Variants in SORCS1 observed in about 807,000 individuals in gnomAD.
The protein encoded by SORCS1 is sortilin related VPS10 domain containing receptor 1.
A neutral mutation model predicts 146.1 loss-of-function variants in SORCS1; 60 were observed. That is an observed-to-expected ratio of 0.41 (90% CI 0.33 to 0.51). The LOEUF is 0.51. Among genes scored for constraint, SORCS1 ranks in the 20% least tolerant of loss-of-function variants. The probability of loss-of-function intolerance (pLI) is 0.21; values close to 1 mark genes in which losing one functional copy is unlikely to be tolerated. For synonymous variants in SORCS1, 637 were observed against 584.0 expected, an observed-to-expected ratio of 1.09 and a Z score of -1.31; for missense variants, 1,352 against 1,487.6, an observed-to-expected ratio of 0.91 and a Z score of 1.50.
chr10:106,700,601 C>A (rs944777598), intron 8 of SORCS1, among the ~76,000 whole-genome samples: 3 of 152,196 alleles, frequency 2.0e-5, no homozygotes, highest in Non-Finnish European at 4.4e-5. Context: ...TTCCTGTTAA[C>A]AATTCCAGTG....
chr10:106,949,402 C>G (rs1246228682), intron 2 of SORCS1, among the ~76,000 whole-genome samples: 1 of 152,160 alleles, frequency 6.6e-6, no homozygotes, highest in Admixed American at 6.5e-5. Flanking sequence ...GGCGTTGGGA[C>G]TCACTCACAG....
intron 24 of SORCS1, 62 bp from the exon 25 acceptor site, chr10:106,579,536 G>A: frequency 1.3e-6 from 2 of 1,539,164 alleles, no homozygotes; most frequent in East Asian, 2.3e-5. Context: ...GACTCTATGA[G>A]AGGCTCAAAT....
At chr10:106,739,734 G>A (rs1269207298) in intron 5 of SORCS1, among the ~76,000 whole-genome samples, 1 of 151,864 alleles carries the variant, frequency 6.6e-6, no homozygotes, top group Non-Finnish European at 1.5e-5. Flanking sequence ...GGCAGATCAC[G>A]AGGTCAGGAG....
intron 2 of SORCS1, among the ~76,000 whole-genome samples, chr10:106,852,966 T>C (rs1420749771): frequency 1.3e-5 from 2 of 152,166 alleles, no homozygotes; most frequent in African/African-American, 2.4e-5. Context: ...TTTTTGATAT[T>C]GGAATAATAC....
intron 1 of SORCS1, among the ~76,000 whole-genome samples, chr10:107,065,447 C>CTTTCTTTCTTTCTTTCTTTCTTTCT (rs1554937440): frequency 2.4e-5 from 3 of 122,762 alleles, no homozygotes; most frequent in Non-Finnish European, 5.4e-5. Flanking sequence ...TTCTTTCTTT[C>CTTTCTTTCTTTCTTTCTTTCTTTCT]TTTTCTCTCT....
chr10:106,646,318 T>C (rs1260526172), intron 18 of SORCS1, among the ~76,000 whole-genome samples: 1 of 152,168 alleles, frequency 6.6e-6, no homozygotes, highest in Non-Finnish European at 1.5e-5. Context: ...AATTCCTTTA[T>C]ACTAAATGGG....
At chr10:106,664,089 G>C (rs1431582673) in intron 17 of SORCS1, among the ~76,000 whole-genome samples, 1 of 152,230 alleles carries the variant, frequency 6.6e-6, no homozygotes, top group Non-Finnish European at 1.5e-5. Context: ...TTTGGGGTCA[G>C]ATGCTATCGT....
rs149092119 is a variant in SORCS1 at position 106,892,112 on chromosome 10, C to T, written c.627-62439G>A. 4.7e-3 allele frequency among the ~76,000 whole-genome samples: 710 copies of T among 152,286 alleles called. 5 individuals are homozygous for T. The highest frequency in any genetic ancestry group is 0.014 in the Middle Eastern group (4 of 294). On this transcript the variant is annotated intron_variant, in intron 2 of 25. Coordinates refer to ENST00000263054, the MANE Select transcript of SORCS1 (RefSeq NM_052918.5). ...GCAAAGGTTCCTGGCATTTTATAAC[C>T]TACATGAGTTTGCTACTAGGCTGAT...
At chr10:106,763,598 T>A (rs996962551) in intron 4 of SORCS1, among the ~76,000 whole-genome samples, 5 of 152,346 alleles carry the variant, frequency 3.3e-5, no homozygotes, top group Admixed American at 2.0e-4. Context: ...GGCTGCCCAC[T>A]CTGGCAGAAG....
intron 3 of SORCS1, among the ~76,000 whole-genome samples, chr10:106,795,137 C>T (rs967321254): frequency 2.6e-5 from 4 of 152,158 alleles, no homozygotes; most frequent in Non-Finnish European, 4.4e-5. Context: ...CATAAGAATT[C>T]AATAGTCATG....
Position 106,799,009 on chromosome 10 carries a change from A to G in SORCS1, c.727-22317T>C, listed in dbSNP as rs535670592. 1.4e-4 allele frequency among the ~76,000 whole-genome samples: 21 copies of G among 152,362 alleles called. No homozygotes were observed. In the East Asian group the frequency reaches 4.0e-3, roughly 29 times the overall value. On this transcript the variant is annotated intron_variant, in intron 3 of 25. Coordinates refer to ENST00000263054, the MANE Select transcript of SORCS1 (RefSeq NM_052918.5). ...ACAAAGCTACAGTAACCAAAACAGC[A>G]TGGTACTGGTACCAAAACAGAGATA...
At chr10:106,775,025 G>T (rs1860320231) in intron 4 of SORCS1, among the ~76,000 whole-genome samples, 1 of 152,248 alleles carries the variant, frequency 6.6e-6, no homozygotes, top group Non-Finnish European at 1.5e-5. Flanking sequence ...AACTGGTCTT[G>T]TATCATCCAC....
At chr10:106,581,322 T>TACATAC (rs1388358346) in intron 24 of SORCS1, among the ~76,000 whole-genome samples, 1 of 142,336 alleles carries the variant, frequency 7.0e-6, no homozygotes, top group Non-Finnish European at 1.6e-5. Flanking sequence ...TCGTCATACA[T>TACATAC]ACACACACAC....
intron 5 of SORCS1, among the ~76,000 whole-genome samples, chr10:106,746,217 T>C (rs917551638): frequency 1.3e-5 from 2 of 152,272 alleles, no homozygotes; most frequent in African/African-American, 2.4e-5. Flanking sequence ...TTTAGTTCAC[T>C]GTTTTTTACC....
chr10:106,661,245 G>C (rs1850706537), intron 17 of SORCS1, among the ~76,000 whole-genome samples: 1 of 152,146 alleles, frequency 6.6e-6, no homozygotes, highest in South Asian at 2.1e-4. Flanking sequence ...AAATACAAAT[G>C]AATACTGCTT....
intron 8 of SORCS1, among the ~76,000 whole-genome samples, chr10:106,703,162 T>C (rs1022380552): frequency 2.0e-5 from 3 of 151,330 alleles, no homozygotes; most frequent in Non-Finnish European, 4.4e-5. Flanking sequence ...TTGTTGTGAA[T>C]CTAAGCTCCT....
rs73383387 is a variant in SORCS1, at chr10:107,083,728, C to T, written c.558+80241G>A. On this transcript the variant is annotated intron_variant, in intron 1 of 25. Transcript: ENST00000263054. Reference sequence around the variant, plus strand: ...AAGCTTTTCTTCTTCACAAGGAACTCACAGCTTTAAAGGAAAGAGGGCAGG... The same window carrying T: ...AAGCTTTTCTTCTTCACAAGGAACTTACAGCTTTAAAGGAAAGAGGGCAGG... Among the ~76,000 whole-genome samples the T allele has an allele frequency of 8.1e-3, 1,238 of 152,246 alleles. 18 individuals are homozygous for T. The highest frequency in any genetic ancestry group is 0.027 in the African/African-American group (1,107 of 41,544).
At chr10:107,033,315 C>T (rs184886028) in intron 1 of SORCS1, among the ~76,000 whole-genome samples, 5 of 152,236 alleles carry the variant, frequency 3.3e-5, no homozygotes, top group African/African-American at 7.2e-5. Flanking sequence ...TCCTCCAACA[C>T]TGAGGATCGC....
chr10:107,088,079 T>C (rs571263170), intron 1 of SORCS1, among the ~76,000 whole-genome samples: 147 of 143,826 alleles, frequency 1.0e-3, no homozygotes, highest in African/African-American at 3.6e-3. Context: ...CCACCACGCC[T>C]GGCTAGTTTT....
Sources: gnomAD v4.1 joint callset for allele counts (sites outside exome capture counted in the v4.1 genomes callset) on GRCh38, gnomAD v4.1.1 for gene constraint, MANE v1.5 for transcripts, NCBI Gene and HGNC (gene_info 2026-07-23, HGNC 2026-07-21) for gene names.